ZNF658: variants seen among roughly 807,000 people sequenced by gnomAD.
ZNF658 encodes zinc finger protein 658.
In ZNF658, 46 loss-of-function variants were observed where a neutral mutation model predicts 78.0. The ratio of observed to expected loss-of-function variants is 0.59; its 90% CI spans 0.47 to 0.75. The LOEUF (loss-of-function observed/expected upper bound fraction) is 0.75. Ranked by LOEUF, ZNF658 falls within the 30% of genes least tolerant of loss-of-function variation. The pLI is 0.00. For missense variants in ZNF658, 785 were observed against 1,189.3 expected (o/e 0.66, Z 5.00); for synonymous variants, 279 against 408.4 (o/e 0.68, Z 3.82).
In ZNF658 at chr9:66,901,682, T is replaced by A. The variant is rs1424197278; in HGVS notation, c.-45+846T>A. On this transcript the variant is annotated intron_variant, in intron 1 of 4. Transcript: ENST00000621410. ...ATTTTTGGCCAGGTGCGGTGGCTCA[T>A]GCCTGTAATCCCAGCACTTTGGGAG... Among the ~76,000 whole-genome samples, 3 of 152,264 alleles carry A rather than the reference T, an allele frequency of 2.0e-5. 1 individual carries two copies. The highest frequency in any genetic ancestry group is 3.9e-4 in the East Asian group (2 of 5,172).
chr9:66,901,873 C>A (rs903632854), intron 1 of ZNF658, among the ~76,000 whole-genome samples: 2 of 152,118 alleles, frequency 1.3e-5, no homozygotes, highest in South Asian at 4.2e-4. Flanking sequence ...GAACCCGAGG[C>A]GGACGCTGCA....
chr9:66,908,235 C>A lies in ZNF658; in HGVS notation c.16-3C>A. On this transcript the variant is annotated splice_region_variant and splice_polypyrimidine_tract_variant and intron_variant, in intron 2 of 4. Transcript: ENST00000621410. ...ATATTTGTTGTGATAAATGTTGTTA[C>A]AGGCATCAGTGTCATTCCAGGACGT... is the stretch of plus-strand genomic sequence containing the variant. 1 of 1,613,928 alleles carries A rather than the reference C, an allele frequency of 6.2e-7. No homozygotes were observed. Among genetic ancestry groups the A allele is most frequent in the Non-Finnish European group, 8.5e-7 (1 of 1,179,940 alleles).
At chr9:66,908,512 G>T in intron 3 of ZNF658, 127 bp from the exon 4 acceptor site, 1 of 1,450,456 alleles carries the variant, frequency 6.9e-7, no homozygotes. Flanking sequence ...AAAGCAACAT[G>T]TCATTACTTT....
intron 2 of ZNF658, 74 bp from the exon 3 acceptor site, chr9:66,908,164 T>C (rs1822122490): frequency 6.2e-7 from 1 of 1,611,206 alleles, no homozygotes; most frequent in Admixed American, 1.7e-5. Flanking sequence ...CTCTCAAAGA[T>C]ATTTTCTGTG....
intron 4 of ZNF658, among the ~76,000 whole-genome samples, chr9:66,914,209 G>A (rs970878496): frequency 1.3e-5 from 2 of 150,438 alleles, no homozygotes; most frequent in African/African-American, 4.9e-5. Context: ...TTTCATCAAT[G>A]TCTTTTAGTT....
At chr9:66,905,055 CTCTTTTTCTTT>C (rs1822043401) in intron 2 of ZNF658, among the ~76,000 whole-genome samples, 1 of 54,688 alleles carries the variant, frequency 1.8e-5, no homozygotes, top group South Asian at 4.9e-4. Flanking sequence ...TTTTTCTTTT[CTCTTTTTCTTT>C]TCTTTTTTTT....
chr9:66,925,040 AG>A (rs1822572834), downstream of ZNF658, among the ~76,000 whole-genome samples: 1 of 127,196 alleles, frequency 7.9e-6, no homozygotes, highest in South Asian at 2.9e-4. Flanking sequence ...CTTCACATAA[AG>A]AAAATGCCAG....
intron 6 of ZNF658, among the ~76,000 whole-genome samples, chr9:66,931,407 G>A (rs1363539248): frequency 6.6e-6 from 1 of 151,898 alleles, no homozygotes; most frequent in East Asian, 1.9e-4. Flanking sequence ...CTGCAGCTAT[G>A]TCTAGCATAT....
At chr9:66,910,594 G>A (rs1297511821) in intron 4 of ZNF658, among the ~76,000 whole-genome samples, 3 of 152,114 alleles carry the variant, frequency 2.0e-5, no homozygotes, top group Non-Finnish European at 2.9e-5. Context: ...AGATCACGAG[G>A]TCAGGAGATG....
At chr9:66,912,900 T>C (rs1474800571) in intron 4 of ZNF658, among the ~76,000 whole-genome samples, 1 of 151,492 alleles carries the variant, frequency 6.6e-6, no homozygotes, top group Non-Finnish European at 1.5e-5. Flanking sequence ...ACAAAAAAAT[T>C]AGCCAATCAT....
At chr9:66,922,320 C>T (rs1822541045), downstream of ZNF658, among the ~76,000 whole-genome samples, 1 of 152,130 alleles carries the variant, frequency 6.6e-6, no homozygotes, top group Admixed American at 6.6e-5. Context: ...ATGCCCTGCC[C>T]TGCTTTGGCT....
At chr9:66,923,307 C>A (rs1355585025), downstream of ZNF658, among the ~76,000 whole-genome samples, 11 of 150,678 alleles carry the variant, frequency 7.3e-5, no homozygotes, top group Admixed American at 3.3e-4. Flanking sequence ...CATTCTCCTG[C>A]CTGCTTTATT....
At chr9:66,903,360 G>A (rs1476762601) in intron 1 of ZNF658, 158 bp from the exon 2 acceptor site, 8 of 542,442 alleles carry the variant, frequency 1.5e-5, no homozygotes, top group South Asian at 4.9e-5. Flanking sequence ...TTTTTTTTTA[G>A]GCACATGAAT....
At chr9:66,907,323 C>A (rs1318123624) in intron 2 of ZNF658, among the ~76,000 whole-genome samples, 1 of 151,964 alleles carries the variant, frequency 6.6e-6, no homozygotes, top group African/African-American at 2.4e-5. Flanking sequence ...AGAACTCTCA[C>A]TGAATCTTCT....
chr9:66,925,307 G>A (rs1587372488), downstream of ZNF658, among the ~76,000 whole-genome samples: 1 of 151,446 alleles, frequency 6.6e-6, no homozygotes, highest in African/African-American at 2.4e-5. Context: ...AACACACAAG[G>A]ACCAAGGGGG....
intron 2 of ZNF658, among the ~76,000 whole-genome samples, chr9:66,905,307 C>A (rs902837298): frequency 9.4e-5 from 14 of 149,154 alleles, no homozygotes; most frequent in Non-Finnish European, 1.9e-4. Context: ...AACTCTTGGC[C>A]TCAAGTGATC....
In ZNF658 at chr9:66,919,974, G is replaced by A; in HGVS notation, c.2408G>A (p.Cys803Tyr). 1.2e-6 allele frequency: 2 copies of A among 1,609,854 alleles called. No homozygotes were observed. The highest frequency in any genetic ancestry group is 1.7e-6 in the Non-Finnish European group (2 of 1,179,084). Residue 803 changes from cysteine (C) to tyrosine (Y), a missense_variant, in exon 5 of 5, where the codon TGT becomes TAT. Physicochemically the swap from Cys to Tyr is radical, Grantham distance 194 (BLOSUM62 -2). Transcript: ENST00000621410. ...TGEKPYECNV[C>Y]GKTFVYKAAL... ...GAAAAACCGTATGAATGTAACGTAT[G>A]TGGGAAAACTTTTGTCTATAAGGCA...
chr9:66,920,679 G>T lies in ZNF658; in HGVS notation c.3113G>T (p.Arg1038Met), dbSNP rs202006643. ...GKTFVRKAAL[R>M]VHHTRMHTRE... ...ACTTTTGTCCGTAAGGCAGCTCTTA[G>T]GGTACATCACACCAGAATGCATACC... Residue 1038 changes from arginine to methionine, a missense_variant, in exon 5 of 5, where the codon AGG becomes ATG. Transcript: ENST00000621410. 0.015 allele frequency: 19,398 copies of T among 1,288,102 alleles called. 214 individuals carry two copies. Among genetic ancestry groups the T allele is most frequent in the Middle Eastern group, 0.021 (84 of 3,946 alleles). 79.8% of individuals were successfully genotyped at this position (1,288,102 alleles called of 1,614,324 possible). A position where few individuals can be genotyped will look rare whatever the true frequency, so the allele number is the denominator to read the frequency against.
intron 6 of ZNF658, among the ~76,000 whole-genome samples, chr9:66,928,585 G>T (rs1038842771): frequency 1.3e-5 from 2 of 151,382 alleles, no homozygotes; most frequent in African/African-American, 2.4e-5. Flanking sequence ...ATACACGGTG[G>T]CTCATACCTG....
Sources: gnomAD v4.1 joint callset for allele counts (sites outside exome capture counted in the v4.1 genomes callset) on GRCh38, gnomAD v4.1.1 for gene constraint, MANE v1.5 for transcripts, NCBI Gene and HGNC (gene_info 2026-07-23, HGNC 2026-07-21) for gene names.